CCDC13: variants seen among roughly 807,000 people sequenced by gnomAD.
The protein encoded by CCDC13 is coiled-coil domain containing 13.
CCDC13 carries 70 observed loss-of-function variants against 87.3 expected under a neutral mutation model. That is an observed-to-expected ratio of 0.80 (90% CI 0.66 to 0.98). The LOEUF is 0.98. Among genes scored for constraint, CCDC13 ranks in the 50% least tolerant of loss-of-function variants. The pLI, the probability that CCDC13 is intolerant of heterozygous loss-of-function variation, is 0.00. For synonymous variants in CCDC13, 317 were observed against 360.3 expected (o/e 0.88, Z 1.36); for missense variants, 842 against 892.0 (o/e 0.94, Z 0.71).
At position 42,730,500 on chromosome 3, in the gene CCDC13, C is replaced by T. The variant is rs138907128; in HGVS notation, c.1685G>A (p.Arg562Gln). 5 of 1,614,110 alleles carry T rather than the reference C, an allele frequency of 3.1e-6. No individual in the cohort carries two copies. The highest frequency in any genetic ancestry group is 1.7e-4 in the Middle Eastern group (1 of 6,060). ...CAGGACAGTGACAAACTCGGTGAGC[C>T]GGTCACGCTCCACCTCGGCAGCCTG... ...LWQAAEVERD[R>Q]LTEFVTVLQK... The change falls in exon 13 of 16, where the codon CGG becomes CAG. Residue 562 changes from arginine (R) to glutamine (Q), a missense_variant. Physicochemically the swap from Arg to Gln is conservative, Grantham distance 43. Coordinates refer to ENST00000310232, the MANE Select transcript of CCDC13 (RefSeq NM_144719.4).
intron 14 of CCDC13, among the ~76,000 whole-genome samples, chr3:42,712,351 A>G (rs1698331607): frequency 6.6e-6 from 1 of 152,100 alleles, no homozygotes; most frequent in African/African-American, 2.4e-5. Flanking sequence ...CCTCCCTGGG[A>G]GTCAGCCATC....
intron 13 of CCDC13, among the ~76,000 whole-genome samples, chr3:42,724,849 A>T (rs1348695451): frequency 6.6e-6 from 1 of 152,114 alleles, no homozygotes; most frequent in Non-Finnish European, 1.5e-5. Context: ...TCAGATAAGG[A>T]GGTTTCCCCC....
At position 42,706,615 on chromosome 3, in the gene CCDC13, G is replaced by C. The variant is rs1483092982; in HGVS notation, c.*2365C>G. On this transcript the variant is annotated 3_prime_UTR_variant, in exon 16 of 16. Transcript: ENST00000310232. ...ATCTTTATATACAGAGTTGGCCAAAGCAAGACACCAGCAAATCAGTTTACC... is the reference window on the plus strand; with the variant it reads ...ATCTTTATATACAGAGTTGGCCAAACCAAGACACCAGCAAATCAGTTTACC... 2.0e-5 allele frequency: 3 copies of C among 152,236 alleles called. No homozygotes were observed. The highest frequency in any genetic ancestry group is 7.2e-5 in the African/African-American group (3 of 41,464). 9.4% of individuals were successfully genotyped at this position (152,236 alleles called of 1,614,324 possible). A position where few individuals can be genotyped will look rare whatever the true frequency, so the allele number is the denominator to read the frequency against.
intron 7 of CCDC13, among the ~76,000 whole-genome samples, chr3:42,743,920 G>A (rs1242781485): frequency 2.0e-5 from 3 of 152,074 alleles, no homozygotes; most frequent in East Asian, 1.9e-4. Flanking sequence ...GTGTGACTGC[G>A]CACAGGTAAC....
At chr3:42,752,497 A>C (rs1699608966) in intron 4 of CCDC13, 78 bp downstream of exon 4, 23 of 1,569,328 alleles carry the variant, frequency 1.5e-5, no homozygotes, top group Non-Finnish European at 1.9e-5. Flanking sequence ...TCCCGGCTAC[A>C]TATGGAGAAG....
chr3:42,738,079 A>G (rs949814188), intron 9 of CCDC13, among the ~76,000 whole-genome samples: 4 of 152,172 alleles, frequency 2.6e-5, no homozygotes, highest in Non-Finnish European at 5.9e-5. Context: ...TCTTGAATTA[A>G]TTTTTGTATA....
At chr3:42,718,188 G>T (rs887372400) in intron 13 of CCDC13, 8 of 152,180 alleles carry the variant, frequency 5.3e-5, no homozygotes, top group African/African-American at 1.9e-4. Flanking sequence ...GGGTCATAAA[G>T]ACCCTGCTGA....
intron 13 of CCDC13, among the ~76,000 whole-genome samples, chr3:42,725,532 T>TAAAAAAAAAAAA (rs1698666640): frequency 2.4e-5 from 1 of 42,328 alleles, no homozygotes; most frequent in African/African-American, 9.9e-5. Context: ...AGACCCTGTC[T>TAAAAAAAAAAAA]CAAAAAAAAA....
chr3:42,751,576 A>G (rs150020910), intron 5 of CCDC13, among the ~76,000 whole-genome samples: 1 of 152,376 alleles, frequency 6.6e-6, no homozygotes, highest in Non-Finnish European at 1.5e-5. Context: ...GATGCTGTAC[A>G]GGAGATGGCT....
chr3:42,760,014 G>A (rs868619724), intron 1 of CCDC13, among the ~76,000 whole-genome samples: 2 of 152,052 alleles, frequency 1.3e-5, no homozygotes, highest in African/African-American at 4.8e-5. Context: ...TATCTCAGCC[G>A]GGCATGGTGG....
In CCDC13 at chr3:42,743,600, T is replaced by TATATATATATATATATATATATACATAC; in HGVS notation, c.826-544_826-543insGTATGTATATATATATATATATATATAT. Reference sequence around the variant, plus strand: ...GCCTGGATAATTTTATATATATATATACACACACACATATATATATACACA... The same window carrying TATATATATATATATATATATATACATAC: ...GCCTGGATAATTTTATATATATATATATATATATATATATATATATATACATACACACACACACATATATATATACACA... On this transcript the variant is annotated intron_variant, in intron 7 of 15. Transcript: ENST00000310232. 1.4e-3 allele frequency among the ~76,000 whole-genome samples: 170 copies of TATATATATATATATATATATATACATAC among 125,750 alleles called. 3 individuals are homozygous for TATATATATATATATATATATATACATAC. The highest frequency in any genetic ancestry group is 5.1e-3 in the African/African-American group (143 of 27,824). 82.5% of individuals were successfully genotyped at this position (125,750 alleles called of 152,430 possible). A position where few individuals can be genotyped will look rare whatever the true frequency, so the allele number is the denominator to read the frequency against.
At position 42,735,851 on chromosome 3, in the gene CCDC13, T is replaced by A. The variant is rs756126098; in HGVS notation, c.1227A>T (p.Arg409=). 1 of 1,614,206 alleles carries A rather than the reference T, an allele frequency of 6.2e-7. No homozygotes were observed. The highest frequency in any genetic ancestry group is 1.1e-5 in the South Asian group (1 of 91,088). The change falls in exon 10 of 16, where the codon CGA becomes CGT. Residue 409 remains arginine (R), a synonymous_variant. Transcript: ENST00000310232. ...GSLSLQEEKT[R]VSQHHLDQQL... ...GCTGGTCCAGGTGGTGCTGGGACACTCGCGTTTTCTCCTCCTGCAGACTCA... is the reference window on the plus strand; with the variant it reads ...GCTGGTCCAGGTGGTGCTGGGACACACGCGTTTTCTCCTCCTGCAGACTCA...
intron 3 of CCDC13, among the ~76,000 whole-genome samples, chr3:42,755,857 G>A (rs1699692613): frequency 6.6e-6 from 1 of 152,214 alleles, no homozygotes; most frequent in Admixed American, 6.5e-5. Context: ...TCTGCTGGGT[G>A]GAGATGTATC....
At chr3:42,738,363 C>A (rs950639469) in intron 9 of CCDC13, among the ~76,000 whole-genome samples, 1 of 152,148 alleles carries the variant, frequency 6.6e-6, no homozygotes, top group Non-Finnish European at 1.5e-5. Context: ...CAGCTTTGTT[C>A]TTTTTGCTTA....
chr3:42,727,240 C>G (rs1575284321), intron 13 of CCDC13, among the ~76,000 whole-genome samples: 1 of 152,126 alleles, frequency 6.6e-6, no homozygotes, highest in East Asian at 1.9e-4. Flanking sequence ...GGCGTAGTGG[C>G]TCACACCTGT....
At chr3:42,745,677 G>C (rs1699372561) in intron 7 of CCDC13, 1 of 345,450 alleles carries the variant, frequency 2.9e-6, no homozygotes, top group Non-Finnish European at 5.2e-6. Context: ...AAAGGCGTTG[G>C]CATTTGTTAA....
chr3:42,730,401 G>T, intron 13 of CCDC13, 66 bp downstream of exon 13: 1 of 1,575,298 alleles, frequency 6.3e-7, no homozygotes, highest in Non-Finnish European at 8.7e-7. Flanking sequence ...AGTCATAAAT[G>T]AGGCCTGGCC....
intron 1 of CCDC13, among the ~76,000 whole-genome samples, chr3:42,761,634 A>G (rs1314460863): frequency 6.6e-6 from 1 of 152,166 alleles, no homozygotes; most frequent in Non-Finnish European, 1.5e-5. Flanking sequence ...GCTGAGGGAC[A>G]AGTTTCTCTA....
intron 15 of CCDC13, 51 bp from the exon 16 acceptor site, chr3:42,709,190 G>A (rs1698243911): frequency 1.9e-6 from 3 of 1,543,892 alleles, no homozygotes; most frequent in Middle Eastern, 1.7e-4. Flanking sequence ...ACACAGGTGT[G>A]CGTGGGTGAC....
Sources: gnomAD v4.1 joint callset for allele counts (sites outside exome capture counted in the v4.1 genomes callset) on GRCh38, gnomAD v4.1.1 for gene constraint, MANE v1.5 for transcripts, NCBI Gene and HGNC (gene_info 2026-07-23, HGNC 2026-07-21) for gene names.